The following SDC3 variants were observed in gnomAD, a reference collection of about 807,000 sequenced individuals.
SDC3 encodes the protein syndecan-3.
A neutral mutation model predicts 24.4 loss-of-function variants in SDC3; 13 were observed. The observed-to-expected ratio is 0.53, with a 90% CI of 0.35 to 0.85. SDC3 has a LOEUF of 0.85. Ranked by LOEUF, SDC3 falls within the 40% of genes least tolerant of loss-of-function variation. The pLI, the probability that SDC3 is intolerant of heterozygous loss-of-function variation, is 0.01. For missense variants in SDC3, 571 were observed against 584.5 expected (o/e 0.98, Z 0.24); for synonymous variants, 295 against 260.9 (o/e 1.13, Z -1.26).
intron 1 of SDC3, among the ~76,000 whole-genome samples, chr1:30,905,356 A>ACACAC (rs1638499140): frequency 6.5e-5 from 5 of 77,238 alleles, no homozygotes; most frequent in South Asian, 6.1e-4. Flanking sequence ...CTCTCTCACA[A>ACACAC]ACACACACAC....
Position 30,870,160 on chromosome 1 carries a change from C to A in SDC3, c.*3051G>T, listed in dbSNP as rs138157114. ...CAGGGGCCCCCACCAGGAGGCCTGACAGGCGGCTTTGCCAACCCCAGGGGG... is the reference window on the plus strand; with the variant it reads ...CAGGGGCCCCCACCAGGAGGCCTGAAAGGCGGCTTTGCCAACCCCAGGGGG... On this transcript the variant is annotated 3_prime_UTR_variant, in exon 5 of 5. Transcript: ENST00000339394. The A allele has an allele frequency of 1.1e-3, 424 of 370,584 alleles. No homozygotes were observed. The highest frequency in any genetic ancestry group is 4.0e-3 in the Middle Eastern group (6 of 1,484). The allele number at this position is 370,584 out of a possible 1,614,324, so 23.0% of individuals were successfully genotyped here.
rs1557514548 is a variant in SDC3 at position 30,876,797 on chromosome 1, GTACGCCAGTGGTCCT to G, written c.610_624del (p.Thr205_Arg209del). On this transcript the variant is annotated inframe_deletion, in exon 3 of 5. Transcript: ENST00000339394. ...GTCAGTGGGAGAGGCAGAAGCCTCCGTACGCCAGTGGTCCTTATAACAGCAGTGGTGGCCGTAAAA... is the reference window on the plus strand; with the variant it reads ...GTCAGTGGGAGAGGCAGAAGCCTCCGTATAACAGCAGTGGTGGCCGTAAAA... 2.5e-6 allele frequency: 4 copies of G among 1,600,452 alleles called. No homozygotes were observed. The highest frequency in any genetic ancestry group is 3.4e-6 in the Non-Finnish European group (4 of 1,172,184).
At chr1:30,885,181 G>A (rs750020111) in intron 1 of SDC3, among the ~76,000 whole-genome samples, 3 of 152,192 alleles carry the variant, frequency 2.0e-5, no homozygotes, top group Non-Finnish European at 2.9e-5. Flanking sequence ...TGCCCACCTC[G>A]TGGGGTTTAC....
chr1:30,882,656 A>T (rs1639762906), intron 1 of SDC3, among the ~76,000 whole-genome samples: 1 of 151,972 alleles, frequency 6.6e-6, no homozygotes, highest in African/African-American at 2.4e-5. Context: ...CCACCCACTC[A>T]TCACTCACTC....
chr1:30,891,658 AC>A (rs990613775), intron 1 of SDC3, among the ~76,000 whole-genome samples: 1 of 151,994 alleles, frequency 6.6e-6, no homozygotes, highest in African/African-American at 2.4e-5. Flanking sequence ...CGGGTGGATC[AC>A]GAGATCAGGA....
intron 1 of SDC3, among the ~76,000 whole-genome samples, chr1:30,891,831 C>T (rs557371617): frequency 4.2e-4 from 61 of 144,338 alleles, no homozygotes; most frequent in East Asian, 1.4e-3. Context: ...CCAGCCTGGG[C>T]GACACAGTGA....
At position 30,877,017 on chromosome 1, in the gene SDC3, G is replaced by A. The variant is rs756403371; in HGVS notation, c.405C>T (p.Thr135=). ...PFEELPSERP[T]LEPATSPLVV... ...CCAGGGGGCTGGTGGCTGGCTCCAG[G>A]GTGGGGCGCTCAGAGGGGAGCTCTT... Residue 135 remains threonine (T), a synonymous_variant, in exon 3 of 5, where the codon ACC becomes ACT. Transcript: ENST00000339394. 34 of 1,613,760 alleles carry A rather than the reference G, an allele frequency of 2.1e-5. No homozygotes were observed. The highest frequency in any genetic ancestry group is 1.6e-4 in the Middle Eastern group (1 of 6,084).
At chr1:30,898,761 G>A (rs1289509979) in intron 1 of SDC3, among the ~76,000 whole-genome samples, 2 of 152,156 alleles carry the variant, frequency 1.3e-5, no homozygotes, top group Admixed American at 6.5e-5. Flanking sequence ...CTTTCTGATA[G>A]TTCCTCAAAT....
At chr1:30,883,173 G>C (rs1054984475) in intron 1 of SDC3, among the ~76,000 whole-genome samples, 3 of 152,224 alleles carry the variant, frequency 2.0e-5, no homozygotes, top group Admixed American at 2.0e-4. Flanking sequence ...CAGCAGGGGA[G>C]AGTGCAGAGA....
At position 30,908,601 on chromosome 1, in the gene SDC3, C is replaced by CGTGGGCG. The variant is rs1247753245; in HGVS notation, c.-16_-15insCGCCCAC. The CGTGGGCG allele has an allele frequency of 4.2e-3, 4,068 of 966,096 alleles. 177 individuals carry two copies. In the African/African-American group the frequency reaches 0.068, roughly 16 times the overall value. 59.8% of individuals were successfully genotyped at this position (966,096 alleles called of 1,614,324 possible). A position where few individuals can be genotyped will look rare whatever the true frequency, so the allele number is the denominator to read the frequency against. On this transcript the variant is annotated 5_prime_UTR_variant, in exon 1 of 5. Transcript: ENST00000339394. ...CCCGGCTTCATGGCGGCGGCGCGGG[C>CGTGGGCG]GCGGGCGGCGGGCGGCGGGCGGGCG...
intron 1 of SDC3, among the ~76,000 whole-genome samples, chr1:30,901,417 A>C (rs904974141): frequency 1.3e-5 from 2 of 152,196 alleles, no homozygotes; most frequent in African/African-American, 4.8e-5. Flanking sequence ...AATGGAAAGC[A>C]CCCAGTCTCA....
At position 30,908,653 on chromosome 1, in the gene SDC3, G is replaced by A; in HGVS notation, c.-67C>T. ...CTTTGTTCCCGAGGCGCGGCGCGCG[G>A]GGCGGCTGCTTGGCGGCGGCGCGGC... On this transcript the variant is annotated 5_prime_UTR_variant, in exon 1 of 5. Coordinates refer to ENST00000339394, the MANE Select transcript of SDC3 (RefSeq NM_014654.4). 1 of 607,696 alleles carries A rather than the reference G, an allele frequency of 1.6e-6. No individual in the cohort carries two copies. The highest frequency in any genetic ancestry group is 2.0e-6 in the Non-Finnish European group (1 of 488,156). 37.6% of individuals were successfully genotyped at this position (607,696 alleles called of 1,614,324 possible).
Position 30,878,667 on chromosome 1 carries a change from G to A in SDC3, c.212C>T (p.Pro71Leu). The change falls in exon 2 of 5, where the codon CCC becomes CTC. Residue 71 changes from proline (P) to leucine (L), a missense_variant. Transcript: ENST00000339394. ...GTAGAGGTCATCCAGTTCATCATCG[G>A]GAAAGGAGTCATCATCCCCAGAGCC... The part of the protein sequence containing the change: ...LEGSGDDDSF[P>L]DDELDDLYSG... The A allele has an allele frequency of 6.2e-7, 1 of 1,614,178 alleles. No individual in the cohort carries two copies.
chr1:30,908,558 C>T lies in SDC3; in HGVS notation c.29G>A (p.Gly10Glu). The T allele has an allele frequency of 2.1e-6, 2 of 974,098 alleles. No individual in the cohort carries two copies. Among genetic ancestry groups the T allele is most frequent in the Non-Finnish European group, 2.4e-6 (2 of 824,424 alleles). The allele number at this position is 974,098 out of a possible 1,614,324, so 60.3% of individuals were successfully genotyped here. ...CCCGGCGCCGGCCCCGTGGGCGGCC[C>T]CGGCACGGTGCGGCGGCCCCGGCTT... MKPGPPHRA[G>E]AAHGAGAGAG... Residue 10 changes from glycine (G) to glutamate (E), a missense_variant, in exon 1 of 5, where the codon GGG becomes GAG. Around this residue, in one of 2 missense-constraint regions of SDC3, gnomAD observed 497 missense variants for 471.6 expected, o/e 1.05. Transcript: ENST00000339394.
chr1:30,891,846 C>T (rs1286195004), intron 1 of SDC3, among the ~76,000 whole-genome samples: 1 of 130,238 alleles, frequency 7.7e-6, no homozygotes, highest in Non-Finnish European at 1.8e-5. Context: ...CAGTGAGACG[C>T]CGTCAAAAAA....
chr1:30,879,214 G>A (rs989833667), intron 1 of SDC3, among the ~76,000 whole-genome samples: 1 of 151,988 alleles, frequency 6.6e-6, no homozygotes, highest in Non-Finnish European at 1.5e-5. Context: ...CCAGAGTGAG[G>A]ATCTCAATCC....
chr1:30,872,351 T>C lies in SDC3; in HGVS notation c.*860A>G, dbSNP rs955444625. Reference sequence around the variant, plus strand: ...TACGTGTCTGGGGGTGTGTAAGTGATGCATGAGGATAAACATTCTTGGAAG... The same window carrying C: ...TACGTGTCTGGGGGTGTGTAAGTGACGCATGAGGATAAACATTCTTGGAAG... On this transcript the variant is annotated 3_prime_UTR_variant, in exon 5 of 5. Transcript: ENST00000339394. 6.6e-6 allele frequency: 1 copy of C among 152,364 alleles called. No homozygotes were observed. Among genetic ancestry groups the C allele is most frequent in the South Asian group, 2.1e-4 (1 of 4,838 alleles). 9.4% of individuals were successfully genotyped at this position (152,364 alleles called of 1,614,324 possible).
chr1:30,876,729 G>A lies in SDC3; in HGVS notation c.693C>T (p.Ser231=). 1 of 1,593,210 alleles carries A rather than the reference G, an allele frequency of 6.3e-7. No homozygotes were observed. ...CCAAGACAGCCGCCGTGGTGGGCGGGGAGGGCGCCTCGGGGGTAGTGGCCC... is the reference window on the plus strand; with the variant it reads ...CCAAGACAGCCGCCGTGGTGGGCGGAGAGGGCGCCTCGGGGGTAGTGGCCC... ...TARATTPEAP[S]PPTTAAVLDT... Residue 231 remains serine (S), a synonymous_variant, in exon 3 of 5, where the codon TCC becomes TCT. Coordinates refer to ENST00000339394, the MANE Select transcript of SDC3 (RefSeq NM_014654.4).
At chr1:30,898,081 A>AAC (rs10623639) in intron 1 of SDC3, among the ~76,000 whole-genome samples, 118,413 of 151,638 alleles carry the variant, frequency 0.78, 47,165 homozygotes, top group African/African-American at 0.93. Context: ...TCAGAACAAG[A>AAC]ACTGAGGCAC....
Sources: gnomAD v4.1 joint callset for allele counts (sites outside exome capture counted in the v4.1 genomes callset) on GRCh38, gnomAD v4.1.1 for gene constraint, gnomAD v4.1.1 regional missense constraint, MANE v1.5 for transcripts, NCBI Gene and HGNC (gene_info 2026-07-23, HGNC 2026-07-21) for gene names.